The following SMCHD1 variants were observed in gnomAD, a reference collection of about 807,000 sequenced individuals.
The protein encoded by SMCHD1 is structural maintenance of chromosomes flexible hinge domain-containing protein 1.
Under a neutral mutation model 254.7 loss-of-function variants are expected in SMCHD1, and 78 were observed. That is an observed-to-expected ratio of 0.31 (90% CI 0.26 to 0.37). The LOEUF is 0.37. Ranked by LOEUF, SMCHD1 falls within the 10% of genes least tolerant of loss-of-function variation. The probability of loss-of-function intolerance (pLI) is 1.00; values close to 1 mark genes in which losing one functional copy is unlikely to be tolerated. For synonymous variants in SMCHD1, 766 were observed against 794.9 expected, an observed-to-expected ratio of 0.96 and a Z score of 0.61; for missense variants, 1,840 against 2,408.1, an observed-to-expected ratio of 0.76 and a Z score of 4.94.
intron 34 of SMCHD1, among the ~76,000 whole-genome samples, chr18:2,753,707 A>AATTT (rs1354393514): frequency 6.6e-6 from 1 of 151,888 alleles, no homozygotes; most frequent in Non-Finnish European, 1.5e-5. Flanking sequence ...ATGCCCAGCA[A>AATTT]ATTTATTTAT....
chr18:2,779,359 G>A (rs775772919), intron 44 of SMCHD1, among the ~76,000 whole-genome samples: 6 of 152,078 alleles, frequency 3.9e-5, no homozygotes, highest in Non-Finnish European at 7.4e-5. Context: ...TGTCTGCTAG[G>A]GTTATTGTTC....
chr18:2,712,063 AAC>A, intron 17 of SMCHD1, among the ~76,000 whole-genome samples: 1 of 152,264 alleles, frequency 6.6e-6, no homozygotes, highest in East Asian at 1.9e-4. Context: ...GAACCAAATA[AAC>A]ATCCTTTTCT....
chr18:2,775,586 T>A, intron 41 of SMCHD1, 148 bp from the exon 42 acceptor site: 1 of 563,240 alleles, frequency 1.8e-6, no homozygotes, highest in Non-Finnish European at 2.9e-6. Context: ...TTTAATATAT[T>A]CAAGTTAAGT....
chr18:2,747,707 T>TA (rs1296482924), intron 30 of SMCHD1, 60 bp downstream of exon 30: 2 of 1,281,228 alleles, frequency 1.6e-6, no homozygotes, highest in Non-Finnish European at 2.1e-6. Context: ...TTCATGATAG[T>TA]ATCTTTAGCT....
intron 14 of SMCHD1, 89 bp from the exon 15 acceptor site, chr18:2,706,275 T>C (rs2074511198): frequency 1.1e-5 from 9 of 825,574 alleles, no homozygotes; most frequent in Non-Finnish European, 1.1e-5. Context: ...TAAAATATAT[T>C]TCTTTGGAAG....
intron 34 of SMCHD1, chr18:2,760,434 A>G (rs911617701): frequency 2.8e-6 from 1 of 357,426 alleles, no homozygotes. Flanking sequence ...CATATCCAGC[A>G]CGTTTATTCT....
At chr18:2,672,238 T>G (rs188197691) in intron 3 of SMCHD1, among the ~76,000 whole-genome samples, 1 of 152,216 alleles carries the variant, frequency 6.6e-6, no homozygotes, top group Non-Finnish European at 1.5e-5. Flanking sequence ...TTTTTGTTTT[T>G]GTTTTTGAGA....
intron 17 of SMCHD1, among the ~76,000 whole-genome samples, chr18:2,712,532 G>C (rs976806285): frequency 1.3e-5 from 2 of 152,178 alleles, no homozygotes; most frequent in Non-Finnish European, 1.5e-5. Flanking sequence ...CACATAAACA[G>C]AGGCCAACTT....
intron 32 of SMCHD1, 72 bp from the exon 33 acceptor site, chr18:2,751,178 AAACATTTAAATAAGATGTTTGCTTTAAG>A: frequency 1.5e-6 from 1 of 649,618 alleles, no homozygotes; most frequent in Non-Finnish European, 2.6e-6. Context: ...CGTGTGCTTT[AAACATTTAAATAAGATGTTTGCTTTAAG>A]GCATACAATT....
At chr18:2,706,572 G>A in intron 15 of SMCHD1, 102 bp downstream of exon 15, 3 of 766,364 alleles carry the variant, frequency 3.9e-6, no homozygotes, top group Non-Finnish European at 6.3e-6. Flanking sequence ...TAGGGCATTT[G>A]TAGTCTTAGA....
intron 35 of SMCHD1, among the ~76,000 whole-genome samples, chr18:2,761,763 A>C (rs1375599299): frequency 6.6e-6 from 1 of 152,204 alleles, no homozygotes. Context: ...GGTTGCAGTG[A>C]GCAGAGATCA....
chr18:2,771,512 A>AT, intron 39 of SMCHD1, 21 bp from the exon 40 acceptor site: 1 of 1,545,790 alleles, frequency 6.5e-7, no homozygotes, highest in South Asian at 1.3e-5. Context: ...ATTGATGCAA[A>AT]TTTTTGGTTT....
At chr18:2,762,749 A>G (rs2075808228) in intron 36 of SMCHD1, among the ~76,000 whole-genome samples, 1 of 152,074 alleles carries the variant, frequency 6.6e-6, no homozygotes, top group Admixed American at 6.6e-5. Context: ...CAGCCTTCCA[A>G]AGTGCTGGGA....
intron 21 of SMCHD1, 124 bp downstream of exon 21, chr18:2,725,119 C>T: frequency 3.8e-6 from 2 of 527,280 alleles, no homozygotes; most frequent in Non-Finnish European, 6.2e-6. Context: ...TAATTGGGTT[C>T]TTAGGAATTT....
chr18:2,792,136 A>T (rs1053235207), intron 45 of SMCHD1, among the ~76,000 whole-genome samples: 2 of 152,218 alleles, frequency 1.3e-5, no homozygotes, highest in Non-Finnish European at 2.9e-5. Flanking sequence ...TTTCTTTACA[A>T]ATAAAATTTG....
At chr18:2,772,981 T>A (rs1404879887) in intron 41 of SMCHD1, among the ~76,000 whole-genome samples, 1 of 152,264 alleles carries the variant, frequency 6.6e-6, no homozygotes, top group African/African-American at 2.4e-5. Flanking sequence ...GAAATTGAAA[T>A]TCAGGGAGCT....
chr18:2,659,768 A>G (rs867589834), intron 1 of SMCHD1, among the ~76,000 whole-genome samples: 3,541 of 126,806 alleles, frequency 0.028, 139 homozygotes, highest in African/African-American at 0.15. Context: ...ATTTTGAAAA[A>G]AAAAAAAAAA....
At chr18:2,729,660 T>A (rs1027625510) in intron 24 of SMCHD1, among the ~76,000 whole-genome samples, 6 of 152,156 alleles carry the variant, frequency 3.9e-5, no homozygotes, top group Admixed American at 6.5e-5. Context: ...TGATTTACAT[T>A]TCCCTAAAAT....
intron 44 of SMCHD1, among the ~76,000 whole-genome samples, chr18:2,781,067 T>C (rs1236951645): frequency 6.6e-6 from 1 of 152,186 alleles, no homozygotes; most frequent in Non-Finnish European, 1.5e-5. Flanking sequence ...AAGCATTGAT[T>C]TTTCACTCCC....
Sources: allele counts gnomAD v4.1 joint callset (sites outside exome capture counted in the v4.1 genomes callset), GRCh38; gene constraint gnomAD v4.1.1; transcripts MANE v1.5; gene names NCBI Gene and HGNC (gene_info 2026-07-23, HGNC 2026-07-21).